The following SLC13A1 variants were observed in gnomAD, a reference collection of about 807,000 sequenced individuals.
SLC13A1 encodes the protein Na(+)/sulfate cotransporter.
Under a neutral mutation model 70.0 loss-of-function variants are expected in SLC13A1, and 65 were observed. The ratio of observed to expected loss-of-function variants is 0.93; its 90% CI spans 0.76 to 1.14. The LOEUF is 1.14. Among genes scored for constraint, SLC13A1 ranks in the 50% most tolerant of loss-of-function variants. The pLI is 0.00. For synonymous variants in SLC13A1, 275 were observed against 250.5 expected, an observed-to-expected ratio of 1.10 and a Z score of -0.92; for missense variants, 726 against 717.8, an observed-to-expected ratio of 1.01 and a Z score of -0.13.
At chr7:123,183,782 T>C (rs914398057) in intron 1 of SLC13A1, among the ~76,000 whole-genome samples, 1 of 152,162 alleles carries the variant, frequency 6.6e-6, no homozygotes, top group Non-Finnish European at 1.5e-5. Context: ...AGACCTTCCC[T>C]TTCATCTTTA....
chr7:123,151,386 G>GTGTGTA (rs142703205), intron 6 of SLC13A1, among the ~76,000 whole-genome samples: 26,786 of 145,420 alleles, frequency 0.18, 2,865 homozygotes, highest in African/African-American at 0.3. Flanking sequence ...GTGTGTGTGT[G>GTGTGTA]TATATATATA....
chr7:123,160,124 A>G (rs1464829192), intron 6 of SLC13A1, among the ~76,000 whole-genome samples: 2 of 152,008 alleles, frequency 1.3e-5, no homozygotes, highest in African/African-American at 2.4e-5. Flanking sequence ...TTTACTAAAA[A>G]TACAAAAAAT....
rs28547422 is a variant in SLC13A1 at position 123,125,098 on chromosome 7, G to A, written c.1240+471C>T. 3.4e-3 allele frequency among the ~76,000 whole-genome samples: 518 copies of A among 152,166 alleles called. 2 individuals are homozygous for A. Among genetic ancestry groups the A allele is most frequent in the African/African-American group, 0.012 (488 of 41,526 alleles). On this transcript the variant is annotated intron_variant, in intron 11 of 14. Coordinates refer to ENST00000194130, the MANE Select transcript of SLC13A1 (RefSeq NM_022444.4). Reference sequence around the variant, plus strand: ...CATCTGGCCCTTTTATTTCAGCTGTGATCCTAGGATATGGCTATGTGAGGT... The same window carrying A: ...CATCTGGCCCTTTTATTTCAGCTGTAATCCTAGGATATGGCTATGTGAGGT...
At chr7:123,129,349 TG>T in intron 9 of SLC13A1, 33 bp downstream of exon 9, 1 of 1,075,216 alleles carries the variant, frequency 9.3e-7, no homozygotes, top group Non-Finnish European at 1.4e-6. Context: ...TGTGTGTGTG[TG>T]TGTGTGTGTG....
intron 6 of SLC13A1, among the ~76,000 whole-genome samples, chr7:123,162,442 C>G (rs1794947279): frequency 6.6e-6 from 1 of 152,078 alleles, no homozygotes; most frequent in Non-Finnish European, 1.5e-5. Context: ...TATTCTCCCT[C>G]TCTCTCCTTG....
At chr7:123,138,921 TG>T (rs1375967418) in intron 7 of SLC13A1, among the ~76,000 whole-genome samples, 2 of 152,174 alleles carry the variant, frequency 1.3e-5, no homozygotes, top group Non-Finnish European at 2.9e-5. Flanking sequence ...ATTAACTTGA[TG>T]TGATGCTATT....
At chr7:123,165,903 T>C (rs1795056516) in intron 6 of SLC13A1, among the ~76,000 whole-genome samples, 1 of 152,176 alleles carries the variant, frequency 6.6e-6, no homozygotes, top group African/African-American at 2.4e-5. Flanking sequence ...ATCGAATACA[T>C]CCTTTGTGTC....
At chr7:123,189,311 T>G (rs1406795347) in intron 1 of SLC13A1, among the ~76,000 whole-genome samples, 1 of 152,022 alleles carries the variant, frequency 6.6e-6, no homozygotes, top group African/African-American at 2.4e-5. Flanking sequence ...TAATTCATGT[T>G]GCTACATATT....
At chr7:123,178,959 A>G (rs1326982889) in intron 2 of SLC13A1, among the ~76,000 whole-genome samples, 2 of 152,144 alleles carry the variant, frequency 1.3e-5, no homozygotes, top group African/African-American at 4.8e-5. Context: ...TGGAGTACTT[A>G]CTATGTAATG....
At chr7:123,132,294 A>G (rs1793790479) in intron 8 of SLC13A1, among the ~76,000 whole-genome samples, 1 of 152,166 alleles carries the variant, frequency 6.6e-6, no homozygotes, top group African/African-American at 2.4e-5. Context: ...AAGAGGGGAG[A>G]ATGTCAGTCC....
chr7:123,116,562 A>G (rs1300891416), intron 14 of SLC13A1, among the ~76,000 whole-genome samples: 3 of 152,204 alleles, frequency 2.0e-5, no homozygotes, highest in Admixed American at 1.3e-4. Context: ...TTTCCTGTCC[A>G]TGCAAGCCAG....
At chr7:123,143,999 A>C (rs919093729) in intron 7 of SLC13A1, among the ~76,000 whole-genome samples, 1 of 152,196 alleles carries the variant, frequency 6.6e-6, no homozygotes, top group Non-Finnish European at 1.5e-5. Flanking sequence ...TGTGAAGATA[A>C]ACAGAAGGCA....
At chr7:123,121,598 A>C (rs1042510127) in intron 12 of SLC13A1, among the ~76,000 whole-genome samples, 41 of 152,142 alleles carry the variant, frequency 2.7e-4, no homozygotes, top group Admixed American at 2.6e-3. Flanking sequence ...CTAGGAGAGA[A>C]AATTTCAAGA....
chr7:123,198,333 C>T (rs1796248112), intron 1 of SLC13A1, among the ~76,000 whole-genome samples: 1 of 151,904 alleles, frequency 6.6e-6, no homozygotes, highest in Non-Finnish European at 1.5e-5. Context: ...AAGGGTTAGT[C>T]ACACAGAATT....
intron 8 of SLC13A1, among the ~76,000 whole-genome samples, chr7:123,132,364 TTTTTCTTTTC>T (rs886584424): frequency 9.9e-5 from 15 of 152,050 alleles, no homozygotes; most frequent in Non-Finnish European, 1.8e-4. Flanking sequence ...GATTTCAGCA[TTTTTCTTTTC>T]TTTTCTTTTC....
intron 3 of SLC13A1, among the ~76,000 whole-genome samples, chr7:123,171,322 A>C (rs1443291709): frequency 6.6e-6 from 1 of 152,208 alleles, no homozygotes; most frequent in Admixed American, 6.5e-5. Context: ...ATTTTTCTGC[A>C]CACATTTGTA....
chr7:123,118,263 A>C (rs575294377), intron 13 of SLC13A1, among the ~76,000 whole-genome samples: 4 of 152,280 alleles, frequency 2.6e-5, no homozygotes, highest in South Asian at 2.1e-4. Context: ...AAATCAACAC[A>C]TAATTTTCTA....
chr7:123,190,780 A>G (rs1795967232), intron 1 of SLC13A1, among the ~76,000 whole-genome samples: 1 of 152,208 alleles, frequency 6.6e-6, no homozygotes, highest in Non-Finnish European at 1.5e-5. Context: ...CTGGTTAACT[A>G]GGACCACCCA....
At chr7:123,161,318 A>G (rs1260102972) in intron 6 of SLC13A1, among the ~76,000 whole-genome samples, 1 of 151,322 alleles carries the variant, frequency 6.6e-6, no homozygotes, top group African/African-American at 2.4e-5. Context: ...CACAAGAAAA[A>G]TGTTAGAAAT....
Sources: allele counts gnomAD v4.1 joint callset (sites outside exome capture counted in the v4.1 genomes callset), GRCh38; gene constraint gnomAD v4.1.1; transcripts MANE v1.5; gene names NCBI Gene and HGNC (gene_info 2026-07-23, HGNC 2026-07-21).